The following UTRN variants were observed in gnomAD, a reference collection of about 807,000 sequenced individuals.
The protein encoded by UTRN is utrophin, also known as dystrophin-related protein 1.
In UTRN, 283 loss-of-function variants were observed where a neutral mutation model predicts 463.9. The observed-to-expected ratio is 0.61, with a 90% CI of 0.55 to 0.67. The LOEUF (loss-of-function observed/expected upper bound fraction) is 0.67. UTRN is among the 30% of genes least tolerant of loss of function. The pLI is 0.00. For missense variants in UTRN, 3,922 were observed against 4,084.3 expected (o/e 0.96, Z 1.08); for synonymous variants, 1,442 against 1,431.5 (o/e 1.01, Z -0.17).
intron 29 of UTRN, among the ~76,000 whole-genome samples, chr6:144,488,035 G>T (rs1483851732): frequency 2.0e-5 from 3 of 152,156 alleles, no homozygotes; most frequent in African/African-American, 7.2e-5. Flanking sequence ...CACATAAGCT[G>T]CTGTGAAAGC....
chr6:144,800,575 G>A (rs1777614778), intron 64 of UTRN, among the ~76,000 whole-genome samples: 1 of 152,154 alleles, frequency 6.6e-6, no homozygotes, highest in South Asian at 2.1e-4. Context: ...CTATTGTTTG[G>A]TGCTGAGACT....
At chr6:144,713,911 ACT>A (rs1786066012) in intron 53 of UTRN, among the ~76,000 whole-genome samples, 1 of 142,774 alleles carries the variant, frequency 7.0e-6, no homozygotes, top group Non-Finnish European at 1.5e-5. Flanking sequence ...CAAGAGTGAA[ACT>A]CTGTCTCAAA....
In UTRN at chr6:144,540,091, A is replaced by C. The variant is rs371014228; in HGVS notation, c.6519+648A>C. ...AAAGAAAATAGCATCCTGATTTTGCACATGACTTTTCACACATGTATGTTT... is the reference window on the plus strand; with the variant it reads ...AAAGAAAATAGCATCCTGATTTTGCCCATGACTTTTCACACATGTATGTTT... On this transcript the variant is annotated intron_variant, in intron 45 of 74. Transcript: ENST00000367545. Among the ~76,000 whole-genome samples, 33 of 152,094 alleles carry C rather than the reference A, an allele frequency of 2.2e-4. 1 individual carries two copies. The East Asian group carries it at 4.8e-3, about 22-fold the overall frequency.
At chr6:144,691,700 T>A (rs1306220037) in intron 52 of UTRN, among the ~76,000 whole-genome samples, 1 of 152,178 alleles carries the variant, frequency 6.6e-6, no homozygotes, top group African/African-American at 2.4e-5. Flanking sequence ...TCTCTATCCC[T>A]TGTCTTTAAT....
At chr6:144,807,639 C>T (rs1778259570) in intron 65 of UTRN, among the ~76,000 whole-genome samples, 1 of 152,108 alleles carries the variant, frequency 6.6e-6, no homozygotes, top group African/African-American at 2.4e-5. Flanking sequence ...GCTCAACTCC[C>T]ACTTTGTGTG....
intron 33 of UTRN, among the ~76,000 whole-genome samples, chr6:144,498,750 G>C (rs942836075): frequency 2.0e-5 from 3 of 152,000 alleles, no homozygotes; most frequent in Non-Finnish European, 2.9e-5. Context: ...AGCCTCCAGG[G>C]CTCAAGCGAT....
At chr6:144,447,047 T>A (rs969597538) in intron 14 of UTRN, among the ~76,000 whole-genome samples, 164 bp from the exon 15 acceptor site, 1 of 152,254 alleles carries the variant, frequency 6.6e-6, no homozygotes, top group Non-Finnish European at 1.5e-5. Flanking sequence ...GAAAGGTATC[T>A]TTCTGGGTCA....
At chr6:144,619,555 AATT>A (rs1439713263) in intron 51 of UTRN, among the ~76,000 whole-genome samples, 10 of 152,342 alleles carry the variant, frequency 6.6e-5, no homozygotes, top group Non-Finnish European at 1.2e-4. Context: ...TGCCTTGTGA[AATT>A]TCTCAATGGT....
chr6:144,419,878 T>C (rs1226033080), intron 3 of UTRN, among the ~76,000 whole-genome samples: 3 of 152,100 alleles, frequency 2.0e-5, no homozygotes, highest in Non-Finnish European at 4.4e-5. Flanking sequence ...TTCCACTGAA[T>C]GGTAAGCTGT....
chr6:144,683,376 G>A (rs1380928584), intron 52 of UTRN, among the ~76,000 whole-genome samples: 2 of 152,172 alleles, frequency 1.3e-5, no homozygotes. Context: ...TGTTTCAGGG[G>A]TGGAGAAGAG....
At chr6:144,651,786 T>A (rs965795361) in intron 51 of UTRN, among the ~76,000 whole-genome samples, 2 of 152,204 alleles carry the variant, frequency 1.3e-5, no homozygotes, top group Non-Finnish European at 2.9e-5. Flanking sequence ...TTCTTCCAGT[T>A]TGTGTCTTGC....
chr6:144,751,743 T>G (rs1385396675), intron 55 of UTRN, 63 bp from the exon 56 acceptor site: 1 of 1,460,832 alleles, frequency 6.8e-7, no homozygotes, highest in Non-Finnish European at 9.2e-7. Context: ...TATTTAAGGA[T>G]CAACTGTATT....
chr6:144,695,287 T>C (rs1783875545), intron 52 of UTRN, among the ~76,000 whole-genome samples: 1 of 152,152 alleles, frequency 6.6e-6, no homozygotes, highest in Non-Finnish European at 1.5e-5. Flanking sequence ...TGTGGCTCAA[T>C]ACCATAGGTT....
chr6:144,433,110 C>A (rs1277532725), intron 9 of UTRN, among the ~76,000 whole-genome samples: 1 of 152,196 alleles, frequency 6.6e-6, no homozygotes, highest in Non-Finnish European at 1.5e-5. Flanking sequence ...CGGCAACCAT[C>A]CGATTTCTCA....
At chr6:144,752,917 C>A (rs562192048) in intron 56 of UTRN, among the ~76,000 whole-genome samples, 6 of 152,228 alleles carry the variant, frequency 3.9e-5, no homozygotes, top group African/African-American at 1.2e-4. Flanking sequence ...TCCTGGTAAC[C>A]TCTAGAGCTC....
chr6:144,286,934 C>T lies in UTRN; in HGVS notation c.-93+1113C>T, dbSNP rs1388307665. 3.3e-5 allele frequency among the ~76,000 whole-genome samples: 5 copies of T among 152,190 alleles called. No individual in the cohort carries two copies. The highest frequency in any genetic ancestry group is 3.3e-4 in the Admixed American group (5 of 15,292). On this transcript the variant is annotated intron_variant, in intron 1 of 74. Transcript: ENST00000367545. The surrounding 1 kb of genome is among the most constrained non-coding windows in gnomAD (Gnocchi z 4.4). ...GGGCCTTGCGGGCCAGTTCCCCCTG[C>T]CGCGGTTGGGAGGGTCAGTGCAGCG...
chr6:144,491,202 CT>C, intron 32 of UTRN, 100 bp downstream of exon 32: 1 of 1,127,856 alleles, frequency 8.9e-7, no homozygotes, highest in East Asian at 2.5e-5. Flanking sequence ...GATCACTAGT[CT>C]ACAGTGTGCT....
intron 41 of UTRN, among the ~76,000 whole-genome samples, chr6:144,526,349 A>C (rs1374810217): frequency 6.6e-6 from 1 of 152,180 alleles, no homozygotes; most frequent in African/African-American, 2.4e-5. Context: ...TAATTGTTTT[A>C]CAAACTTGGG....
At chr6:144,526,030 A>T (rs1325756335) in intron 41 of UTRN, among the ~76,000 whole-genome samples, 1 of 151,982 alleles carries the variant, frequency 6.6e-6, no homozygotes, top group East Asian at 1.9e-4. Context: ...ATTTCATTCC[A>T]CTGTGGTCTG....
Sources: allele counts gnomAD v4.1 joint callset (sites outside exome capture counted in the v4.1 genomes callset), GRCh38; gene constraint gnomAD v4.1.1; non-coding constraint Gnocchi (gnomAD v3.1); transcripts MANE v1.5; gene names NCBI Gene and HGNC (gene_info 2026-07-23, HGNC 2026-07-21).